LVRN: variants seen among roughly 807,000 people sequenced by gnomAD.
The protein encoded by LVRN is aminopeptidase Q.
A neutral mutation model predicts 111.4 loss-of-function variants in LVRN; 99 were observed. The observed-to-expected ratio is 0.89, with a 90% CI of 0.76 to 1.05. The LOEUF is 1.05. LVRN is among the 50% of genes least tolerant of loss of function. The pLI, the probability that LVRN is intolerant of heterozygous loss-of-function variation, is 0.00. For synonymous variants in LVRN, 488 were observed against 449.5 expected, an observed-to-expected ratio of 1.09 and a Z score of -1.08; for missense variants, 1,414 against 1,206.8, an observed-to-expected ratio of 1.17 and a Z score of -2.54.
At chr5:115,993,939 C>A in intron 6 of LVRN, 85 bp downstream of exon 6, 1 of 669,250 alleles carries the variant, frequency 1.5e-6, no homozygotes, top group Non-Finnish European at 2.3e-6. Flanking sequence ...GTATAAAATA[C>A]AAGAAAATAC....
chr5:116,020,855 C>G (rs1007561108), intron 18 of LVRN, among the ~76,000 whole-genome samples: 1 of 152,160 alleles, frequency 6.6e-6, no homozygotes, highest in African/African-American at 2.4e-5. Flanking sequence ...AATCACTGTT[C>G]CCACACTAAC....
At chr5:115,965,294 G>A (rs10068638) in intron 1 of LVRN, among the ~76,000 whole-genome samples, 81,455 of 151,904 alleles carry the variant, frequency 0.54, 22,153 homozygotes, top group East Asian at 0.75. Flanking sequence ...AGAAGCTGGG[G>A]AGTGGGGAGT....
At chr5:115,988,971 C>T (rs1015957998) in intron 4 of LVRN, among the ~76,000 whole-genome samples, 1 of 152,074 alleles carries the variant, frequency 6.6e-6, no homozygotes, top group East Asian at 1.9e-4. Context: ...TTGAAGCACA[C>T]CCTCTATCTA....
At chr5:115,972,738 T>C (rs11241343) in intron 1 of LVRN, among the ~76,000 whole-genome samples, 57,538 of 151,842 alleles carry the variant, frequency 0.38, 11,440 homozygotes, top group East Asian at 0.52. Context: ...TAAGGTTTTT[T>C]TTGGTAGATT....
At chr5:116,004,770 G>T (rs1217363286) in intron 12 of LVRN, among the ~76,000 whole-genome samples, 1 of 151,932 alleles carries the variant, frequency 6.6e-6, no homozygotes, top group African/African-American at 2.4e-5. Context: ...TAATAATGGG[G>T]GTAATATACC....
intron 13 of LVRN, among the ~76,000 whole-genome samples, chr5:116,008,089 C>T (rs150722699): frequency 1.9e-3 from 293 of 152,294 alleles, no homozygotes; most frequent in African/African-American, 6.5e-3. Context: ...TGCCTGTAAT[C>T]CCAGCACTTT....
At position 115,987,765 on chromosome 5, in the gene LVRN, A is replaced by G. The variant is rs770432549; in HGVS notation, c.979-48A>G. ...TGGAGCAAGCAGACTACCTCTTTCCAAAATCACTACTGGTTTTCCTAATCA... is the reference window on the plus strand; with the variant it reads ...TGGAGCAAGCAGACTACCTCTTTCCGAAATCACTACTGGTTTTCCTAATCA... On this transcript the variant is annotated intron_variant, in intron 3 of 19. Transcript: ENST00000357872. 1.9e-6 allele frequency: 3 copies of G among 1,579,288 alleles called. No homozygotes were observed. In the East Asian group the frequency reaches 6.8e-5, roughly 36 times the overall value.
At chr5:115,983,468 A>G (rs754156485) in intron 2 of LVRN, 39 bp downstream of exon 2, 4 of 1,545,576 alleles carry the variant, frequency 2.6e-6, no homozygotes, top group East Asian at 2.3e-5. Context: ...CTGTCTATCT[A>G]TATAAGCTTT....
At chr5:116,005,473 G>T (rs1018868289) in intron 12 of LVRN, among the ~76,000 whole-genome samples, 3 of 152,186 alleles carry the variant, frequency 2.0e-5, no homozygotes, top group African/African-American at 7.2e-5. Context: ...TAAATACCGT[G>T]TGAAAAAATA....
At chr5:115,978,627 G>A (rs1210435491) in intron 1 of LVRN, among the ~76,000 whole-genome samples, 1 of 152,136 alleles carries the variant, frequency 6.6e-6, no homozygotes, top group Non-Finnish European at 1.5e-5. Context: ...TTAATTTACT[G>A]TTAAACCTCT....
At chr5:115,973,804 C>T (rs1254158114) in intron 1 of LVRN, among the ~76,000 whole-genome samples, 1 of 151,864 alleles carries the variant, frequency 6.6e-6, no homozygotes, top group African/African-American at 2.4e-5. Flanking sequence ...GAGCTGGAGC[C>T]CTTATCTAGT....
At chr5:115,997,660 CAAA>C (rs111907391) in intron 6 of LVRN, among the ~76,000 whole-genome samples, 2 of 136,644 alleles carry the variant, frequency 1.5e-5, no homozygotes, top group Admixed American at 7.4e-5. Flanking sequence ...TGAGACTCTC[CAAA>C]AAAAAAAAGG....
chr5:115,977,383 C>T (rs1753470992), intron 1 of LVRN, among the ~76,000 whole-genome samples: 1 of 152,206 alleles, frequency 6.6e-6, no homozygotes, highest in South Asian at 2.1e-4. Flanking sequence ...ATTTGCTTTG[C>T]TTGTTTCTCT....
intron 1 of LVRN, chr5:115,975,663 A>G (rs1360223633): frequency 6.5e-6 from 1 of 154,838 alleles, no homozygotes; most frequent in African/African-American, 2.4e-5. Context: ...TGTCTTTTTA[A>G]TATTTTCCAT....
In LVRN at chr5:116,001,151, G is replaced by T; in HGVS notation, c.1732G>T (p.Val578Leu). The change falls in exon 10 of 20, where the codon GTG becomes TTG. Residue 578 changes from valine (V) to leucine (L), a missense_variant. By Grantham distance (32) the Val-to-Leu change is conservative. Transcript: ENST00000357872. The stretch of plus-strand genomic sequence containing the variant: ...TTGGACACACCAGAGTGGTTTTCCA[G>T]TGATCACTTTAAATGTGTCTACTGG... ...DSWTHQSGFP[V>L]ITLNVSTGVM... 1 of 1,613,818 alleles carries T rather than the reference G, an allele frequency of 6.2e-7. No individual in the cohort carries two copies. The highest frequency in any genetic ancestry group is 1.1e-5 in the South Asian group (1 of 90,972).
At chr5:115,966,656 G>A (rs927413115) in intron 1 of LVRN, among the ~76,000 whole-genome samples, 3 of 152,182 alleles carry the variant, frequency 2.0e-5, no homozygotes, top group African/African-American at 7.2e-5. Flanking sequence ...ATTTCACTGG[G>A]ACAAATGTTC....
chr5:115,995,091 C>T (rs978404300), intron 6 of LVRN, among the ~76,000 whole-genome samples: 34 of 152,202 alleles, frequency 2.2e-4, no homozygotes, highest in African/African-American at 7.7e-4. Flanking sequence ...TATTGAAATG[C>T]TATCTCTACT....
intron 6 of LVRN, among the ~76,000 whole-genome samples, chr5:115,997,132 T>C (rs542821287): frequency 2.2e-4 from 34 of 152,288 alleles, no homozygotes; most frequent in Admixed American, 3.3e-4. Flanking sequence ...TGGAACATCA[T>C]GAAAATTAAT....
At chr5:115,982,032 G>C (rs1753570181) in intron 1 of LVRN, among the ~76,000 whole-genome samples, 1 of 152,096 alleles carries the variant, frequency 6.6e-6, no homozygotes, top group African/African-American at 2.4e-5. Context: ...AGTGGAGTAG[G>C]GTCTTACAGA....
Sources: gnomAD v4.1 joint callset for allele counts (sites outside exome capture counted in the v4.1 genomes callset) on GRCh38, gnomAD v4.1.1 for gene constraint, MANE v1.5 for transcripts, NCBI Gene and HGNC (gene_info 2026-07-23, HGNC 2026-07-21) for gene names.